The following TAFA2 variants were observed in gnomAD, a reference collection of about 807,000 sequenced individuals.
TAFA2 encodes chemokine-like protein TAFA-2.
A neutral mutation model predicts 18.8 loss-of-function variants in TAFA2; 7 were observed. The observed-to-expected ratio is 0.37, with a 90% confidence interval of 0.21 to 0.70. The LOEUF is 0.70. TAFA2 is among the 30% of genes least tolerant of loss of function. The pLI is 0.53. For missense variants in TAFA2, 122 were observed against 158.1 expected, an observed-to-expected ratio of 0.77 and a Z score of 1.23; for synonymous variants, 60 against 54.2, an observed-to-expected ratio of 1.11 and a Z score of -0.47.
At chr12:62,197,056 A>G (rs2062651908), upstream of TAFA2, among the ~76,000 whole-genome samples, 1 of 152,188 alleles carries the variant, frequency 6.6e-6, no homozygotes, top group Admixed American at 6.5e-5. Context: ...AGATTCTCAC[A>G]GGAGCCTGAA....
intron 1 of TAFA2, among the ~76,000 whole-genome samples, chr12:62,128,426 C>T (rs966268727): frequency 6.6e-6 from 1 of 152,028 alleles, no homozygotes; most frequent in Non-Finnish European, 1.5e-5. Context: ...TTTCCCAAAG[C>T]TAATTATTCA....
At chr12:61,969,156 C>T (rs995060849) in intron 1 of TAFA2, among the ~76,000 whole-genome samples, 9 of 151,668 alleles carry the variant, frequency 5.9e-5, no homozygotes, top group African/African-American at 2.2e-4. Context: ...GTGTTTCTAG[C>T]ACAATAATGC....
intron 1 of TAFA2, among the ~76,000 whole-genome samples, chr12:61,920,741 G>A (rs1313641074): frequency 6.6e-6 from 1 of 151,324 alleles, no homozygotes; most frequent in African/African-American, 2.4e-5. Context: ...AACCTAGGAG[G>A]GTAATGGAAA....
chr12:62,018,411 G>T (rs9739051), intron 1 of TAFA2, among the ~76,000 whole-genome samples: 53,194 of 151,926 alleles, frequency 0.35, 9,721 homozygotes, highest in Non-Finnish European at 0.39. Context: ...AAGGCTTAAA[G>T]ACAGTATTTT....
At chr12:61,973,463 C>T (rs1201351144) in intron 1 of TAFA2, among the ~76,000 whole-genome samples, 2 of 143,804 alleles carry the variant, frequency 1.4e-5, no homozygotes, top group Non-Finnish European at 3.0e-5. Context: ...AATTCTTTAG[C>T]TCATATTTAT....
At chr12:62,210,017 A>C (rs1421915807) in intron 1 of TAFA2, among the ~76,000 whole-genome samples, 1 of 151,954 alleles carries the variant, frequency 6.6e-6, no homozygotes, top group East Asian at 1.9e-4. Context: ...TGGCTAACAC[A>C]GTGAAACCCC....
intron 4 of TAFA2, among the ~76,000 whole-genome samples, chr12:61,744,559 T>C (rs952975273): frequency 2.6e-5 from 4 of 152,084 alleles, no homozygotes; most frequent in African/African-American, 9.7e-5. Flanking sequence ...AGGTTTAAAA[T>C]GTTACTTTCT....
intron 1 of TAFA2, among the ~76,000 whole-genome samples, chr12:62,251,932 C>A (rs1171749567): frequency 6.6e-6 from 1 of 152,162 alleles, no homozygotes. Flanking sequence ...AGTAGATTAT[C>A]CAATTCAATT....
At chr12:61,833,850 G>T (rs561839483) in intron 2 of TAFA2, among the ~76,000 whole-genome samples, 1 of 151,926 alleles carries the variant, frequency 6.6e-6, no homozygotes, top group African/African-American at 2.4e-5. Flanking sequence ...CCCCAGATTT[G>T]ATTATCTCAA....
chr12:61,833,497 T>G (rs528898629), intron 2 of TAFA2, among the ~76,000 whole-genome samples: 2 of 152,178 alleles, frequency 1.3e-5, no homozygotes, highest in Non-Finnish European at 2.9e-5. Flanking sequence ...TTGACTGGAT[T>G]CTTATTTTTT....
At chr12:61,749,721 T>A (rs549655768) in intron 4 of TAFA2, among the ~76,000 whole-genome samples, 1 of 152,214 alleles carries the variant, frequency 6.6e-6, no homozygotes, top group Middle Eastern at 3.4e-3. Context: ...CCAGAAAATT[T>A]CTTCTTAAGT....
At chr12:62,210,346 C>T (rs773110816) in intron 1 of TAFA2, among the ~76,000 whole-genome samples, 1 of 152,114 alleles carries the variant, frequency 6.6e-6, no homozygotes, top group Non-Finnish European at 1.5e-5. Flanking sequence ...TTCCAGAAAG[C>T]TTAAGTTTAA....
At chr12:61,792,862 A>G (rs1394291086) in intron 2 of TAFA2, among the ~76,000 whole-genome samples, 1 of 151,590 alleles carries the variant, frequency 6.6e-6, no homozygotes, top group Non-Finnish European at 1.5e-5. Context: ...TGACTTAAAA[A>G]GTAGAAAAAA....
At chr12:62,044,454 C>G (rs138089859) in intron 1 of TAFA2, among the ~76,000 whole-genome samples, 164 of 152,214 alleles carry the variant, frequency 1.1e-3, no homozygotes, top group African/African-American at 3.8e-3. Flanking sequence ...GGGGATAAAA[C>G]AAGACCAAGT....
intron 1 of TAFA2, among the ~76,000 whole-genome samples, chr12:62,213,370 C>T (rs1260634491): frequency 1.3e-5 from 2 of 152,114 alleles, no homozygotes; most frequent in Admixed American, 6.6e-5. Flanking sequence ...TGCAGCTGGG[C>T]GTGGTGGCTC....
intron 1 of TAFA2, among the ~76,000 whole-genome samples, chr12:62,136,819 T>C (rs190072442): frequency 2.3e-4 from 35 of 152,300 alleles, no homozygotes; most frequent in Non-Finnish European, 3.1e-4. Flanking sequence ...TAAAGCTTTA[T>C]AGAACAGTAA....
At chr12:62,133,975 C>G (rs1194103157) in intron 1 of TAFA2, among the ~76,000 whole-genome samples, 1 of 152,042 alleles carries the variant, frequency 6.6e-6, no homozygotes, top group Non-Finnish European at 1.5e-5. Context: ...CGATACTCTA[C>G]TCCTAGATTA....
chr12:61,957,399 G>A (rs1565695851), intron 1 of TAFA2, among the ~76,000 whole-genome samples: 2 of 152,126 alleles, frequency 1.3e-5, no homozygotes, highest in Non-Finnish European at 1.5e-5. Flanking sequence ...TTGTAGCCCA[G>A]TTTCAGAGTG....
intron 1 of TAFA2, among the ~76,000 whole-genome samples, chr12:61,912,934 G>C (rs1476868275): frequency 6.6e-6 from 1 of 152,134 alleles, no homozygotes; most frequent in Non-Finnish European, 1.5e-5. Flanking sequence ...GGGTCATAGA[G>C]TTAAAAATGT....
Sources: allele counts gnomAD v4.1 joint callset (sites outside exome capture counted in the v4.1 genomes callset), GRCh38; gene constraint gnomAD v4.1.1; transcripts MANE v1.5; gene names NCBI Gene and HGNC (gene_info 2026-07-23, HGNC 2026-07-21).